CSPG4: variants seen among roughly 807,000 people sequenced by gnomAD.
CSPG4 encodes the protein chondroitin sulfate proteoglycan 4 (melanoma-associated).
A neutral mutation model predicts 139.3 loss-of-function variants in CSPG4; 74 were observed. The observed-to-expected ratio is 0.53, with a 90% CI of 0.44 to 0.64. The LOEUF is 0.64. CSPG4 is among the 30% of genes least tolerant of loss of function. The pLI is 0.00. For missense variants in CSPG4, 2,565 were observed against 3,148.3 expected (o/e 0.81, Z 4.43); for synonymous variants, 1,234 against 1,394.2 (o/e 0.89, Z 2.56).
intron 8 of CSPG4, among the ~76,000 whole-genome samples, chr15:75,678,093 A>G (rs894180434): frequency 6.6e-6 from 1 of 152,208 alleles, no homozygotes; most frequent in Non-Finnish European, 1.5e-5. Context: ...GCCTGGGCTC[A>G]AACCCCAACT....
In CSPG4 at chr15:75,677,729, C is replaced by T. The variant is rs8023621; in HGVS notation, c.5108G>A (p.Arg1703His). ...TTTGTTCTTCCAGAGGTGGCTGGGGCGCTGGGGACAGGCAGCCTCAAAAGA... is the reference window on the plus strand; with the variant it reads ...TTTGTTCTTCCAGAGGTGGCTGGGGTGCTGGGGACAGGCAGCCTCAAAAGA... ...AVSFEAACPQ[R>H]PSHLWKNKGL... Residue 1703 changes from arginine (R) to histidine (H), a missense_variant, in exon 9 of 10, where the codon CGC (arginine) becomes CAC (histidine). This residue lies in a region of CSPG4 where 2,316 missense variants were observed against 2,818.2 expected (regional missense o/e 0.82). Coordinates refer to ENST00000308508, the MANE Select transcript of CSPG4 (RefSeq NM_001897.5). 608,904 of 1,604,012 alleles carry T rather than the reference C, an allele frequency of 0.38. 119,864 individuals carry two copies. The highest frequency in any genetic ancestry group is 0.41 in the Non-Finnish European group (482,184 of 1,175,736).
chr15:75,700,063 G>C (rs1894281134), intron 1 of CSPG4, among the ~76,000 whole-genome samples: 3 of 152,202 alleles, frequency 2.0e-5, no homozygotes, highest in Non-Finnish European at 4.4e-5. Flanking sequence ...CATCTCCCAT[G>C]TTACAGGTGA....
At chr15:75,712,287 G>A (rs1206749929) in intron 1 of CSPG4, among the ~76,000 whole-genome samples, 2 of 151,526 alleles carry the variant, frequency 1.3e-5, no homozygotes, top group African/African-American at 4.9e-5. Flanking sequence ...TCTCACTGTC[G>A]CCGGGTCCCT....
chr15:75,708,533 C>T (rs1894402755), intron 1 of CSPG4, among the ~76,000 whole-genome samples: 1 of 151,776 alleles, frequency 6.6e-6, no homozygotes, highest in Non-Finnish European at 1.5e-5. Context: ...ATCTGGAGTC[C>T]TCAGCGAGCT....
chr15:75,713,021 C>G (rs939829645), upstream of CSPG4, among the ~76,000 whole-genome samples: 33 of 152,216 alleles, frequency 2.2e-4, no homozygotes, highest in African/African-American at 7.7e-4. Flanking sequence ...GCCCTTGCAG[C>G]TGGGCCAGAC....
At position 75,682,308 on chromosome 15, in the gene CSPG4, G is replaced by A. The variant is rs746025565; in HGVS notation, c.4935C>T (p.Asn1645=). ...GGGCCCTTACCTCTGCCTGAGTGAA[G>A]TTCACCAGGGCCTCCCCTGTGCTGT... ...QQDSTGEALV[N]FTQAEVYAGN... The change falls in exon 8 of 10, where the codon AAC becomes AAT. Residue 1645 remains asparagine (N), a synonymous_variant. Coordinates refer to ENST00000308508, the MANE Select transcript of CSPG4 (RefSeq NM_001897.5). 3.1e-6 allele frequency: 5 copies of A among 1,596,556 alleles called. No individual in the cohort carries two copies. The highest frequency in any genetic ancestry group is 1.3e-5 in the African/African-American group (1 of 74,882).
intron 7 of CSPG4, 63 bp downstream of exon 7, chr15:75,682,544 A>T: frequency 1.9e-6 from 3 of 1,598,154 alleles, no homozygotes; most frequent in Non-Finnish European, 2.6e-6. Flanking sequence ...TGACCCTGGC[A>T]TGCCACCCTC....
Position 75,689,304 on chromosome 15 carries a change from A to G in CSPG4, c.1761T>C (p.Cys587=). The G allele has an allele frequency of 6.2e-7, 1 of 1,611,044 alleles. No homozygotes were observed. The highest frequency in any genetic ancestry group is 8.5e-7 in the Non-Finnish European group (1 of 1,179,836). Reference sequence around the variant, plus strand: ...CAAGGACCTGGAAGGTGAGGCCCTCACAGGCAGAGTCCGGGTCATAGGCCT... The same window carrying G: ...CAAGGACCTGGAAGGTGAGGCCCTCGCAGGCAGAGTCCGGGTCATAGGCCT... ...VFQAYDPDSA[C]EGLTFQVLGT... is the part of the protein sequence containing the mutation. Residue 587 remains cysteine, a synonymous_variant, in exon 3 of 10, where the codon TGT becomes TGC. Transcript: ENST00000308508.
intron 1 of CSPG4, among the ~76,000 whole-genome samples, chr15:75,695,452 G>A (rs1271992755): frequency 2.0e-5 from 3 of 152,192 alleles, no homozygotes; most frequent in South Asian, 2.1e-4. Flanking sequence ...GGGGCTGAGC[G>A]GGAGGGGCTC....
In CSPG4 at chr15:75,689,604, T is replaced by C. The variant is rs72732869; in HGVS notation, c.1461A>G (p.Gly487=). 2 of 1,601,396 alleles carry C rather than the reference T, an allele frequency of 1.2e-6. No individual in the cohort carries two copies. Among genetic ancestry groups the C allele is most frequent in the Non-Finnish European group, 8.5e-7 (1 of 1,170,898 alleles). ...GGGTGAACATTTTTCGTGCCTGGGCTCCCGGGATGTCCAGCTCGAGCTCGC... is the reference window on the plus strand; with the variant it reads ...GGGTGAACATTTTTCGTGCCTGGGCCCCCGGGATGTCCAGCTCGAGCTCGC... The part of the protein sequence containing the change: ...RHGELELDIP[G]AQARKMFTLL... The change falls in exon 3 of 10, where the codon GGA becomes GGG. Residue 487 remains glycine (G), a synonymous_variant. Transcript: ENST00000308508.
upstream of CSPG4, among the ~76,000 whole-genome samples, chr15:75,713,188 G>A (rs772080721): frequency 1.3e-5 from 2 of 152,160 alleles, no homozygotes; most frequent in Non-Finnish European, 2.9e-5. Flanking sequence ...GGGAGTTCAG[G>A]AGACCCCTCC....
chr15:75,697,601 G>A (rs532796739), intron 1 of CSPG4, among the ~76,000 whole-genome samples: 14 of 152,176 alleles, frequency 9.2e-5, no homozygotes, highest in African/African-American at 2.7e-4. Context: ...CCCCACTCCC[G>A]CCATGTTCCT....
At position 75,677,244 on chromosome 15, in the gene CSPG4, G is replaced by A; in HGVS notation, c.5275C>T (p.Gln1759Ter). ...FQVTQFPSRGQLLVSEEPLHA... is the reference protein window; with the variant it reads ...FQVTQFPSRG ...AGGGGCTCCTCGGACACCAACAGCT[G>A]GCCCCGGCTGGGGAACTGTGTGACC... The change falls in exon 10 of 10, where the codon CAG (glutamine) becomes TAG (stop). Residue 1759 changes from glutamine (Q) to a stop codon, truncating the protein, a stop_gained. Coordinates refer to ENST00000308508, the MANE Select transcript of CSPG4 (RefSeq NM_001897.5). LOFTEE classifies it low-confidence loss of function (END_TRUNC). 2 of 1,489,032 alleles carry A rather than the reference G, an allele frequency of 1.3e-6. No homozygotes were observed. Among genetic ancestry groups the A allele is most frequent in the Non-Finnish European group, 1.8e-6 (2 of 1,115,258 alleles). 92.2% of individuals were successfully genotyped at this position (1,489,032 alleles called of 1,614,324 possible). A position where few individuals can be genotyped will look rare whatever the true frequency, so the allele number is the denominator to read the frequency against.
chr15:75,678,510 A>G, intron 8 of CSPG4: 1 of 384,288 alleles, frequency 2.6e-6, no homozygotes. Context: ...ATGCCACCAC[A>G]CCCAGCTATT....
At position 75,687,741 on chromosome 15, in the gene CSPG4, G is replaced by A. The variant is rs777826922; in HGVS notation, c.3324C>T (p.Ser1108=). Residue 1108 remains serine, a synonymous_variant, in exon 3 of 10, where the codon TCC becomes TCT. Transcript: ENST00000308508. This position sits in a 1 kb window ranked among gnomAD's most constrained non-coding sequence, Gnocchi z 5.4. The part of the protein sequence containing the change: ...ADRGWIQLQV[S]DGQHQATALL... ...GCGCAGTGGCCTGGTGTTGCCCGTCGGACACCTGCAGCTGGATCCAGCCAC... is the reference window on the plus strand; with the variant it reads ...GCGCAGTGGCCTGGTGTTGCCCGTCAGACACCTGCAGCTGGATCCAGCCAC... 2.1e-5 allele frequency: 34 copies of A among 1,612,816 alleles called. No individual in the cohort carries two copies. The highest frequency in any genetic ancestry group is 1.6e-4 in the Middle Eastern group (1 of 6,084).
Position 75,712,798 on chromosome 15 carries a change from T to A in CSPG4, c.-43A>T. Reference sequence around the variant, plus strand: ...CAGGACTTGCGAGGAGCCAGCGGAGTCCTGGGAGCTGGGAGCTGAGTGGAG... The same window carrying A: ...CAGGACTTGCGAGGAGCCAGCGGAGACCTGGGAGCTGGGAGCTGAGTGGAG... On this transcript the variant is annotated 5_prime_UTR_variant, in exon 1 of 10. Coordinates refer to ENST00000308508, the MANE Select transcript of CSPG4 (RefSeq NM_001897.5). 5.4e-6 allele frequency: 8 copies of A among 1,492,036 alleles called. No homozygotes were observed. Among genetic ancestry groups the A allele is most frequent in the Non-Finnish European group, 7.2e-6 (8 of 1,112,810 alleles). The allele number at this position is 1,492,036 out of a possible 1,614,324, so 92.4% of individuals were successfully genotyped here.
At chr15:75,692,358 G>A (rs1376116024) in intron 2 of CSPG4, among the ~76,000 whole-genome samples, 1 of 152,186 alleles carries the variant, frequency 6.6e-6, no homozygotes, top group East Asian at 1.9e-4. Flanking sequence ...AGGCTCGAGT[G>A]ATCTTCTCAC....
chr15:75,689,344 C>A lies in CSPG4; in HGVS notation c.1721G>T (p.Gly574Val), dbSNP rs749934469. The change falls in exon 3 of 10, where the codon GGG (glycine) becomes GTG (valine). Residue 574 changes from glycine (G) to valine (V), a missense_variant. Physicochemically the swap from Gly to Val is moderately radical, Grantham distance 109. This residue lies in a region of CSPG4 where 2,316 missense variants were observed against 2,818.2 expected (regional missense o/e 0.82). Coordinates refer to ENST00000308508, the MANE Select transcript of CSPG4 (RefSeq NM_001897.5). ...GTCATAGGCCTGGAAAACCTCAGGC[C>A]CCAGCGGCTTCTGCGTGTGTTCCAG... is the stretch of plus-strand genomic sequence containing the variant. Reference protein sequence around the residue: ...VILEHTQKPLGPEVFQAYDPD... With the variant: ...VILEHTQKPLVPEVFQAYDPD... 6.2e-7 allele frequency: 1 copy of A among 1,611,486 alleles called. No individual in the cohort carries two copies. The highest frequency in any genetic ancestry group is 1.3e-5 in the African/African-American group (1 of 74,898).
intron 3 of CSPG4, among the ~76,000 whole-genome samples, chr15:75,685,971 TC>T (rs1425018436): frequency 3.9e-5 from 6 of 152,150 alleles, no homozygotes; most frequent in Non-Finnish European, 5.9e-5. Context: ...CCTTGAAGCC[TC>T]AACTTCCCAG....
Sources: gnomAD v4.1 joint callset for allele counts (sites outside exome capture counted in the v4.1 genomes callset) on GRCh38, gnomAD v4.1.1 for gene constraint, gnomAD v4.1.1 regional missense constraint, Gnocchi (gnomAD v3.1) non-coding constraint, MANE v1.5 for transcripts, NCBI Gene and HGNC (gene_info 2026-07-23, HGNC 2026-07-21) for gene names.